The following DLC1 variants were observed in gnomAD, a reference collection of about 807,000 sequenced individuals.
DLC1 encodes DLC1 Rho GTPase activating protein, also known as rho GTPase-activating protein 7.
A neutral mutation model predicts 140.3 loss-of-function variants in DLC1; 54 were observed. The observed-to-expected ratio is 0.38, with a 90% CI of 0.31 to 0.48. The LOEUF is 0.48. Among genes scored for constraint, DLC1 ranks in the 20% least tolerant of loss-of-function variants. The pLI is 0.96. For missense variants in DLC1, 2,536 were observed against 1,907.0 expected, an observed-to-expected ratio of 1.33 and a Z score of -6.14; for synonymous variants, 986 against 728.1, an observed-to-expected ratio of 1.35 and a Z score of -5.70.
At chr8:13,579,408 T>TGTTATATTTTATATTATATATTTAATAC (rs1563454211) in intron 1 of DLC1, among the ~76,000 whole-genome samples, 2 of 67,078 alleles carry the variant, frequency 3.0e-5, no homozygotes, top group African/African-American at 1.1e-4. Flanking sequence ...ATATTTAATA[T>TGTTATATTTTATATTATATATTTAATAC]ATTATATTTT....
chr8:13,200,851 G>A (rs147932083), intron 5 of DLC1, among the ~76,000 whole-genome samples: 236 of 152,216 alleles, frequency 1.6e-3, no homozygotes, highest in African/African-American at 5.2e-3. Context: ...TCCAGACTTG[G>A]CCCCCCAAAC....
At chr8:13,177,966 A>G (rs1206999986) in intron 5 of DLC1, among the ~76,000 whole-genome samples, 1 of 152,212 alleles carries the variant, frequency 6.6e-6, no homozygotes. Context: ...ATTTCAGATT[A>G]TAGGAAATAT....
intron 2 of DLC1, among the ~76,000 whole-genome samples, chr8:13,493,633 T>C (rs1801366612): frequency 6.6e-6 from 1 of 152,224 alleles, no homozygotes; most frequent in African/African-American, 2.4e-5. Context: ...ACAATACTTG[T>C]TATACTGTTA....
intron 5 of DLC1, among the ~76,000 whole-genome samples, chr8:13,291,748 C>G (rs1366355550): frequency 1.3e-5 from 2 of 151,980 alleles, no homozygotes; most frequent in African/African-American, 4.8e-5. Flanking sequence ...CCCTAGAAAC[C>G]AAACCAACCA....
chr8:13,148,261 C>T (rs1554585100), intron 5 of DLC1, among the ~76,000 whole-genome samples: 1 of 152,188 alleles, frequency 6.6e-6, no homozygotes. Context: ...CAATAGTGAT[C>T]TTTTCTGCTC....
intron 4 of DLC1, among the ~76,000 whole-genome samples, chr8:13,319,478 G>GGC (rs1832998417): frequency 8.7e-6 from 1 of 115,528 alleles, no homozygotes; most frequent in Non-Finnish European, 1.8e-5. Context: ...GCGGGGCGGG[G>GGC]GGGGGGGGTG....
intron 1 of DLC1, among the ~76,000 whole-genome samples, chr8:13,569,888 A>G (rs1324776309): frequency 6.6e-6 from 1 of 152,040 alleles, no homozygotes; most frequent in Non-Finnish European, 1.5e-5. Context: ...CGCCTGGCTA[A>G]ATTTCTTTAT....
At chr8:13,431,787 T>C (rs1053710490) in intron 2 of DLC1, among the ~76,000 whole-genome samples, 1 of 151,750 alleles carries the variant, frequency 6.6e-6, no homozygotes, top group African/African-American at 2.4e-5. Context: ...GGTGGGGAAG[T>C]GGGGTGGCAA....
At chr8:13,203,062 A>T (rs1454613405) in intron 5 of DLC1, among the ~76,000 whole-genome samples, 1 of 152,216 alleles carries the variant, frequency 6.6e-6, no homozygotes, top group African/African-American at 2.4e-5. Flanking sequence ...ATAGTAGGAA[A>T]GTGGGATTCA....
intron 5 of DLC1, among the ~76,000 whole-genome samples, chr8:13,303,024 C>T (rs572085536): frequency 8.6e-5 from 13 of 151,744 alleles, no homozygotes; most frequent in East Asian, 7.7e-4. Flanking sequence ...TATTTGTTAC[C>T]GTGATTCATA....
chr8:13,103,999 A>G (rs1346795496), intron 7 of DLC1, among the ~76,000 whole-genome samples: 1 of 152,214 alleles, frequency 6.6e-6, no homozygotes, highest in East Asian at 1.9e-4. Context: ...TTAAAAAATT[A>G]GTTTTAGTTA....
chr8:13,333,435 A>T (rs530346483), intron 4 of DLC1, among the ~76,000 whole-genome samples: 1 of 151,856 alleles, frequency 6.6e-6, no homozygotes, highest in African/African-American at 2.4e-5. Flanking sequence ...TGTTTTAGTG[A>T]TGAGGGTCTC....
intron 5 of DLC1, among the ~76,000 whole-genome samples, chr8:13,239,830 C>G (rs911732812): frequency 6.6e-6 from 1 of 152,140 alleles, no homozygotes; most frequent in Non-Finnish European, 1.5e-5. Flanking sequence ...TAGAAATGCA[C>G]TCCTCAAACA....
At chr8:13,502,389 A>T (rs78682009) in intron 1 of DLC1, among the ~76,000 whole-genome samples, 1 of 152,172 alleles carries the variant, frequency 6.6e-6, no homozygotes, top group Non-Finnish European at 1.5e-5. Context: ...CTCAATTTTC[A>T]TAACGATCAT....
chr8:13,337,153 C>G (rs994888683), intron 4 of DLC1, among the ~76,000 whole-genome samples: 1 of 152,134 alleles, frequency 6.6e-6, no homozygotes, highest in African/African-American at 2.4e-5. Flanking sequence ...TTTAATTTCT[C>G]TACAGTTTTG....
chr8:13,520,162 A>G (rs1276189461), intron 1 of DLC1, among the ~76,000 whole-genome samples: 1 of 152,234 alleles, frequency 6.6e-6, no homozygotes, highest in East Asian at 1.9e-4. Context: ...TACGATAAAG[A>G]CACATGCACA....
chr8:13,099,324 G>A (rs377322463), intron 9 of DLC1, 23 bp downstream of exon 9: 25 of 1,600,574 alleles, frequency 1.6e-5, no homozygotes, highest in South Asian at 1.2e-4. Flanking sequence ...CCCCACACCC[G>A]GAGGCAGGAG....
In DLC1 at chr8:13,304,719, A is replaced by G. The variant is rs144854294; in HGVS notation, c.1348+550T>C. ...TCTACCAATCCATGTCTAATTTTTC[A>G]TATTTTCATTTCTCATCAGTCCTTG... On this transcript the variant is annotated intron_variant, in intron 5 of 17. Coordinates refer to ENST00000276297, the MANE Select transcript of DLC1 (RefSeq NM_182643.3). 603 of 962,130 alleles carry G rather than the reference A, an allele frequency of 6.3e-4. 4 individuals carry two copies. In the African/African-American group the frequency reaches 0.01, roughly 16 times the overall value. The allele number at this position is 962,130 out of a possible 1,614,324, so 59.6% of individuals were successfully genotyped here. A position where few individuals can be genotyped will look rare whatever the true frequency, so the allele number is the denominator to read the frequency against.
At chr8:13,143,622 T>C (rs1019026636) in intron 5 of DLC1, among the ~76,000 whole-genome samples, 3 of 20,398 alleles carry the variant, frequency 1.5e-4, no homozygotes, top group African/African-American at 3.2e-4. Flanking sequence ...CCCTGGTTGA[T>C]TTTTTTTTTT....
Sources: allele counts gnomAD v4.1 joint callset (sites outside exome capture counted in the v4.1 genomes callset), GRCh38; gene constraint gnomAD v4.1.1; transcripts MANE v1.5; gene names NCBI Gene and HGNC (gene_info 2026-07-23, HGNC 2026-07-21).